The following SOX5 variants were observed in gnomAD, a reference collection of about 807,000 sequenced individuals.
SOX5 encodes the protein transcription factor SOX-5.
A neutral mutation model predicts 92.0 loss-of-function variants in SOX5; 9 were observed. The observed-to-expected ratio is 0.10, with a 90% CI of 0.06 to 0.17. The LOEUF (loss-of-function observed/expected upper bound fraction) is 0.17. SOX5 is among the 10% of genes least tolerant of loss of function. The pLI is 1.00. For missense variants in SOX5, 642 were observed against 944.5 expected, an observed-to-expected ratio of 0.68 and a Z score of 4.20; for synonymous variants, 344 against 336.3, an observed-to-expected ratio of 1.02 and a Z score of -0.25.
chr12:24,018,946 C>T (rs1185442937), intron 4 of SOX5, among the ~76,000 whole-genome samples: 1 of 152,048 alleles, frequency 6.6e-6, no homozygotes, highest in Non-Finnish European at 1.5e-5. Flanking sequence ...TAAAAATTAG[C>T]AAACACAATA....
At chr12:24,190,911 ATAAGACAGGAAATAACCTTCTTT>A (rs1396087266) in intron 4 of SOX5, among the ~76,000 whole-genome samples, 1 of 152,256 alleles carries the variant, frequency 6.6e-6, no homozygotes, top group East Asian at 1.9e-4. Flanking sequence ...ACAGAATCAA[ATAAGACAGGAAATAACCTTCTTT>A]TAATTAAGAT....
At chr12:23,851,907 G>C (rs1222919731) in intron 2 of SOX5, among the ~76,000 whole-genome samples, 3 of 152,080 alleles carry the variant, frequency 2.0e-5, no homozygotes, top group African/African-American at 7.2e-5. Context: ...TCTTGGGATA[G>C]GGTCAGAAAG....
At chr12:24,251,420 A>G (rs1940009720) in intron 3 of SOX5, among the ~76,000 whole-genome samples, 1 of 152,170 alleles carries the variant, frequency 6.6e-6, no homozygotes, top group South Asian at 2.1e-4. Context: ...AAAATGAAAT[A>G]CTTCTTACAT....
In SOX5 at chr12:23,834,183, C is replaced by A. The variant is rs888342276; in HGVS notation, c.481+11800G>T. On this transcript the variant is annotated intron_variant, in intron 3 of 14. Transcript: ENST00000451604. ...ATCAGGTAGGTAAGACGGGAAACGA[C>A]ATTTAAGGCAGTGGAACGGCATATA... is the stretch of plus-strand genomic sequence containing the variant. 5.9e-5 allele frequency among the ~76,000 whole-genome samples: 9 copies of A among 151,820 alleles called. No individual in the cohort carries two copies. The Admixed American group carries it at 5.9e-4, about 10-fold the overall frequency.
At chr12:24,524,388 C>CTATCTATCT (rs1597590169) in intron 1 of SOX5, among the ~76,000 whole-genome samples, 1 of 95,594 alleles carries the variant, frequency 1.0e-5, no homozygotes. Flanking sequence ...TCTATCTATC[C>CTATCTATCT]ATCCATCCAT....
At chr12:24,439,130 C>A (rs1940019341) in intron 1 of SOX5, among the ~76,000 whole-genome samples, 1 of 152,244 alleles carries the variant, frequency 6.6e-6, no homozygotes, top group African/African-American at 2.4e-5. Context: ...AGGCAAGACC[C>A]TCCTTCACCA....
At position 24,052,015 on chromosome 12, in the gene SOX5, G is replaced by A. The variant is rs577195378; in HGVS notation, c.-1-155991C>T. ...TAACCTCTCCTTAGCATTTAAAACT[G>A]TCACATACAATCCTCTTAGCTCTTC... On this transcript the variant is annotated intron_variant, in intron 4 of 4. Transcript: ENST00000446891. Among the ~76,000 whole-genome samples, 5 of 152,242 alleles carry A rather than the reference G, an allele frequency of 3.3e-5. No homozygotes were observed. In the South Asian group the frequency reaches 1.0e-3, roughly 32 times the overall value.
intron 2 of SOX5, among the ~76,000 whole-genome samples, chr12:23,860,149 G>A (rs906439220): frequency 1.3e-5 from 2 of 152,068 alleles, no homozygotes; most frequent in Non-Finnish European, 2.9e-5. Context: ...CTTCTTGGGG[G>A]GAAACGGTGG....
intron 1 of SOX5, among the ~76,000 whole-genome samples, chr12:24,509,364 T>C (rs1288658340): frequency 6.6e-6 from 1 of 152,160 alleles, no homozygotes; most frequent in East Asian, 1.9e-4. Flanking sequence ...CTACCTTTTT[T>C]TCCTCCATAG....
intron 6 of SOX5, among the ~76,000 whole-genome samples, chr12:23,679,469 T>C (rs747333460): frequency 1.3e-5 from 2 of 152,152 alleles, no homozygotes; most frequent in African/African-American, 4.8e-5. Flanking sequence ...TTCTAACTAC[T>C]TGAAATACTA....
intron 3 of SOX5, among the ~76,000 whole-genome samples, chr12:23,770,809 CTT>C (rs1172882726): frequency 6.6e-6 from 1 of 152,150 alleles, no homozygotes; most frequent in African/African-American, 2.4e-5. Flanking sequence ...TCTTCACTGA[CTT>C]ATTTCTCAAA....
chr12:23,674,112 T>C (rs1321815642), intron 6 of SOX5, among the ~76,000 whole-genome samples: 2 of 152,066 alleles, frequency 1.3e-5, no homozygotes, highest in Non-Finnish European at 2.9e-5. Flanking sequence ...TAGAAATCAG[T>C]AGGTCAGGTG....
chr12:24,533,156 T>G (rs947030901), intron 1 of SOX5, among the ~76,000 whole-genome samples: 3 of 152,194 alleles, frequency 2.0e-5, no homozygotes, highest in African/African-American at 7.2e-5. Context: ...CAGGGCAAGT[T>G]AAGAATTTTT....
intron 1 of SOX5, among the ~76,000 whole-genome samples, chr12:24,540,439 T>C (rs1165611750): frequency 6.6e-6 from 1 of 152,132 alleles, no homozygotes; most frequent in Non-Finnish European, 1.5e-5. Context: ...TTTCTCTCCA[T>C]CTGAAACTGT....
intron 2 of SOX5, among the ~76,000 whole-genome samples, chr12:24,280,237 A>T (rs141620776): frequency 1.3e-5 from 2 of 152,310 alleles, no homozygotes; most frequent in East Asian, 3.9e-4. Context: ...GCACTGTCAT[A>T]CTAAAGTGCA....
intron 2 of SOX5, among the ~76,000 whole-genome samples, chr12:24,360,540 G>T (rs1261209316): frequency 4.6e-5 from 7 of 152,168 alleles, no homozygotes; most frequent in Non-Finnish European, 7.3e-5. Flanking sequence ...ATAGGAAAAG[G>T]AGAGCTAGAA....
At chr12:23,815,176 T>C (rs1403695858) in intron 3 of SOX5, among the ~76,000 whole-genome samples, 1 of 152,116 alleles carries the variant, frequency 6.6e-6, no homozygotes, top group Non-Finnish European at 1.5e-5. Context: ...GCAGGTCAGT[T>C]ACCAGCAATT....
chr12:24,398,822 C>A (rs1960742672), intron 1 of SOX5, among the ~76,000 whole-genome samples: 1 of 152,082 alleles, frequency 6.6e-6, no homozygotes, highest in South Asian at 2.1e-4. Context: ...GTATTTCAAA[C>A]CTAGTTTCAC....
At chr12:23,779,788 A>AATATATATATATATAT (rs1172787679) in intron 3 of SOX5, among the ~76,000 whole-genome samples, 7 of 110,556 alleles carry the variant, frequency 6.3e-5, no homozygotes, top group African/African-American at 2.2e-4. Flanking sequence ...CACAGATTAA[A>AATATATATATATATAT]ATATATATAT....
Sources: allele counts gnomAD v4.1 joint callset (sites outside exome capture counted in the v4.1 genomes callset), GRCh38; gene constraint gnomAD v4.1.1; transcripts MANE v1.5; gene names NCBI Gene and HGNC (gene_info 2026-07-23, HGNC 2026-07-21).